Variants in FRMD4B observed in about 807,000 individuals in gnomAD.
The protein encoded by FRMD4B is FERM domain-containing protein 4B.
Under a neutral mutation model 141.5 loss-of-function variants are expected in FRMD4B, and 74 were observed. The observed-to-expected ratio is 0.52, with a 90% CI of 0.43 to 0.63. The LOEUF is 0.63. Among genes scored for constraint, FRMD4B ranks in the 30% least tolerant of loss-of-function variants. The pLI is 0.00. For synonymous variants in FRMD4B, 506 were observed against 467.9 expected (o/e 1.08, Z -1.05); for missense variants, 1,366 against 1,253.4 (o/e 1.09, Z -1.36).
intron 1 of FRMD4B, among the ~76,000 whole-genome samples, chr3:69,505,580 A>G (rs964442506): frequency 1.3e-5 from 2 of 152,176 alleles, no homozygotes; most frequent in African/African-American, 4.8e-5. Context: ...CAACCTCTTG[A>G]AAGTGGTTAA....
At chr3:69,509,346 G>C (rs1706652080) in intron 1 of FRMD4B, among the ~76,000 whole-genome samples, 1 of 152,192 alleles carries the variant, frequency 6.6e-6, no homozygotes, top group Non-Finnish European at 1.5e-5. Flanking sequence ...ACATTCATCA[G>C]AATTTTCCCT....
intron 1 of FRMD4B, among the ~76,000 whole-genome samples, chr3:69,503,406 A>G (rs954095211): frequency 6.6e-6 from 1 of 151,886 alleles, no homozygotes; most frequent in Non-Finnish European, 1.5e-5. Flanking sequence ...GAAGCTGGAA[A>G]CCATCATTCT....
chr3:69,454,759 C>T (rs1002655314), intron 1 of FRMD4B, among the ~76,000 whole-genome samples: 1 of 152,224 alleles, frequency 6.6e-6, no homozygotes, highest in African/African-American at 2.4e-5. Context: ...AAGGGCACCA[C>T]CCCCTGCTCC....
At chr3:69,344,739 C>A (rs1297515822) in intron 1 of FRMD4B, among the ~76,000 whole-genome samples, 1 of 152,108 alleles carries the variant, frequency 6.6e-6, no homozygotes, top group African/African-American at 2.4e-5. Context: ...AAACCTGAAT[C>A]TAGAAACATC....
chr3:69,352,266 T>A (rs944115465), intron 1 of FRMD4B, among the ~76,000 whole-genome samples: 41 of 152,270 alleles, frequency 2.7e-4, no homozygotes, highest in Admixed American at 2.4e-3. Context: ...AGAATCCAGG[T>A]CACAGGACTG....
intron 21 of FRMD4B, among the ~76,000 whole-genome samples, chr3:69,180,347 T>TA (rs2092692716): frequency 6.6e-6 from 1 of 151,638 alleles, no homozygotes; most frequent in Non-Finnish European, 1.5e-5. Context: ...GGCACTTGCC[T>TA]AAGTACCTGC....
chr3:69,187,025 G>A (rs1301434691), intron 19 of FRMD4B, among the ~76,000 whole-genome samples: 1 of 152,080 alleles, frequency 6.6e-6, no homozygotes, highest in Admixed American at 6.6e-5. Context: ...CTATTTTACA[G>A]ATTATGAGTT....
In FRMD4B at chr3:69,495,581, C is replaced by T. The variant is rs565117989; in HGVS notation, c.-129+46625G>A. Reference sequence around the variant, plus strand: ...GACAAGAGCACGAATTTGGGTCATCCGACAGGCTGGGTTTGAATCCCACCT... The same window carrying T: ...GACAAGAGCACGAATTTGGGTCATCTGACAGGCTGGGTTTGAATCCCACCT... On this transcript the variant is annotated intron_variant, in intron 1 of 5. Coordinates refer to the FRMD4B transcript ENST00000459638. Among the ~76,000 whole-genome samples the T allele has an allele frequency of 8.5e-5, 13 of 152,192 alleles. No individual in the cohort carries two copies. In the South Asian group the frequency reaches 1.7e-3, roughly 19 times the overall value.
chr3:69,323,817 G>A (rs1210505711), intron 1 of FRMD4B, among the ~76,000 whole-genome samples: 12 of 151,718 alleles, frequency 7.9e-5, no homozygotes, highest in Admixed American at 7.9e-4. Context: ...TAGGTGTTCT[G>A]ACTCCAGAAT....
At chr3:69,525,638 T>C (rs72937459) in intron 1 of FRMD4B, among the ~76,000 whole-genome samples, 6,510 of 152,116 alleles carry the variant, frequency 0.043, 396 homozygotes, top group African/African-American at 0.13. Context: ...ACTGTACATA[T>C]TGTCTCTAAT....
At chr3:69,294,204 T>TTTAGTCACCATGAG (rs1700967443) in intron 4 of FRMD4B, among the ~76,000 whole-genome samples, 1 of 152,172 alleles carries the variant, frequency 6.6e-6, no homozygotes, top group South Asian at 2.1e-4. Context: ...CTGGGTTTCT[T>TTTAGTCACCATGAG]TTAGTCACCA....
intron 1 of FRMD4B, among the ~76,000 whole-genome samples, chr3:69,326,234 G>A (rs897663008): frequency 6.6e-6 from 1 of 151,332 alleles, no homozygotes; most frequent in African/African-American, 2.4e-5. Flanking sequence ...TGGGATTATA[G>A]GCATAAGCCA....
At chr3:69,427,087 T>G (rs1167626201) in intron 2 of FRMD4B, among the ~76,000 whole-genome samples, 1 of 151,980 alleles carries the variant, frequency 6.6e-6, no homozygotes. Flanking sequence ...GTTTTGTCAG[T>G]GTTTAGTCAG....
intron 1 of FRMD4B, chr3:69,536,370 G>C: frequency 1.4e-6 from 1 of 698,186 alleles, no homozygotes; most frequent in Non-Finnish European, 2.6e-6. Flanking sequence ...GGGGCCTGGC[G>C]AGGAGGCTGC....
chr3:69,198,600 GA>G (rs1353433550), intron 12 of FRMD4B, 97 bp downstream of exon 12: 2 of 695,928 alleles, frequency 2.9e-6, no homozygotes, highest in Non-Finnish European at 2.6e-6. Context: ...CAAGAGAAAT[GA>G]AAACATATGT....
chr3:69,434,072 G>C (rs553737016), intron 1 of FRMD4B, among the ~76,000 whole-genome samples: 1 of 152,222 alleles, frequency 6.6e-6, no homozygotes, highest in African/African-American at 2.4e-5. Context: ...GTGTCTGCCC[G>C]GCGACAAAAG....
rs193161990 is a variant in FRMD4B, at chr3:69,330,786, C to T, written c.163-17269G>A. On this transcript the variant is annotated intron_variant, in intron 1 of 22. Coordinates refer to ENST00000398540, the MANE Select transcript of FRMD4B (RefSeq NM_015123.3). Reference sequence around the variant, plus strand: ...TGCTGGGATTACAGGCGTGTGCCACCACGCCCGGCCTCTTTTGCCGCTGAA... The same window carrying T: ...TGCTGGGATTACAGGCGTGTGCCACTACGCCCGGCCTCTTTTGCCGCTGAA... 1.2e-3 allele frequency among the ~76,000 whole-genome samples: 189 copies of T among 152,288 alleles called. 2 individuals carry two copies. Among genetic ancestry groups the T allele is most frequent in the African/African-American group, 4.2e-3 (175 of 41,566 alleles).
At chr3:69,281,838 A>AT (rs59097815) in intron 5 of FRMD4B, among the ~76,000 whole-genome samples, 1,670 of 128,172 alleles carry the variant, frequency 0.013, 27 homozygotes, top group African/African-American at 0.037. Flanking sequence ...AAAAAAAAAA[A>AT]ATATATATAT....
intron 7 of FRMD4B, among the ~76,000 whole-genome samples, chr3:69,239,346 C>CA (rs2093366405): frequency 3.9e-5 from 6 of 152,220 alleles, no homozygotes; most frequent in Admixed American, 2.6e-4. Flanking sequence ...TGTGGCCTAA[C>CA]TTGTAACAGG....
Sources: allele counts gnomAD v4.1 joint callset (sites outside exome capture counted in the v4.1 genomes callset), GRCh38; gene constraint gnomAD v4.1.1; transcripts MANE v1.5; gene names NCBI Gene and HGNC (gene_info 2026-07-23, HGNC 2026-07-21).